Variants in SIPA1L3 observed in about 807,000 individuals in gnomAD.
SIPA1L3 encodes signal-induced proliferation-associated 1-like protein 3.
In SIPA1L3, 59 loss-of-function variants were observed where a neutral mutation model predicts 150.1. That is an observed-to-expected ratio of 0.39 (90% CI 0.32 to 0.49). The LOEUF is 0.49. Ranked by LOEUF, SIPA1L3 falls within the 20% of genes least tolerant of loss-of-function variation. The pLI, the probability that SIPA1L3 is intolerant of heterozygous loss-of-function variation, is 0.86. For missense variants in SIPA1L3, 2,211 were observed against 2,489.5 expected (o/e 0.89, Z 2.38); for synonymous variants, 1,070 against 1,077.6 (o/e 0.99, Z 0.14).
At chr19:38,063,105 C>G (rs973069213) in intron 2 of SIPA1L3, among the ~76,000 whole-genome samples, 12 of 152,362 alleles carry the variant, frequency 7.9e-5, no homozygotes, top group African/African-American at 2.9e-4. Flanking sequence ...GTTATGGTGT[C>G]ATGTGCTCTG....
At chr19:38,202,462 C>T (rs990981026) in intron 20 of SIPA1L3, among the ~76,000 whole-genome samples, 15 of 152,074 alleles carry the variant, frequency 9.9e-5, no homozygotes, top group Admixed American at 6.6e-4. Context: ...GTGGTGCGTG[C>T]CTGTAATCCC....
chr19:38,063,506 T>C (rs922252145), intron 2 of SIPA1L3, among the ~76,000 whole-genome samples: 8 of 152,166 alleles, frequency 5.3e-5, no homozygotes, highest in Non-Finnish European at 1.2e-4. Context: ...ATCAAGATTG[T>C]CGAATATTGA....
At chr19:37,944,143 A>G (rs1355208121) in intron 1 of SIPA1L3, among the ~76,000 whole-genome samples, 2 of 151,988 alleles carry the variant, frequency 1.3e-5, no homozygotes, top group Non-Finnish European at 2.9e-5. Flanking sequence ...CCAGGTGCAG[A>G]GGCATGCGCC....
intron 15 of SIPA1L3, among the ~76,000 whole-genome samples, chr19:38,175,934 G>C (rs60811178): frequency 0.085 from 12,876 of 152,092 alleles, 1,531 homozygotes; most frequent in African/African-American, 0.26. Context: ...CAGGCTGGGC[G>C]CTGTGGCTCA....
Position 38,164,050 on chromosome 19 carries a change from C to T in SIPA1L3, c.3781-429C>T, listed in dbSNP as rs1297495289. Reference sequence around the variant, plus strand: ...AGGTCCCGGATCTGTGTTGAGGACGCGGGCAGCAGGGTTTGCTAGTGGGCT... The same window carrying T: ...AGGTCCCGGATCTGTGTTGAGGACGTGGGCAGCAGGGTTTGCTAGTGGGCT... On this transcript the variant is annotated intron_variant, in intron 14 of 21. Transcript: ENST00000222345. This position sits in a 1 kb window ranked among gnomAD's most constrained non-coding sequence, Gnocchi z 4.1. Among the ~76,000 whole-genome samples, 4 of 152,112 alleles carry T rather than the reference C, an allele frequency of 2.6e-5. No individual in the cohort carries two copies. The highest frequency in any genetic ancestry group is 2.1e-4 in the South Asian group (1 of 4,820).
Position 38,097,660 on chromosome 19 carries a change from G to A in SIPA1L3, c.1666-2302G>A, listed in dbSNP as rs571821561. 1.3e-4 allele frequency among the ~76,000 whole-genome samples: 20 copies of A among 152,234 alleles called. No homozygotes were observed. In the East Asian group the frequency reaches 3.7e-3, roughly 28 times the overall value. On this transcript the variant is annotated intron_variant, in intron 4 of 21. Transcript: ENST00000222345. ...CAACCTCCTCCTCCTGGGTTCAAGC[G>A]ATTCTTCTGCCTCAGCCTCCCAAGT...
intron 13 of SIPA1L3, among the ~76,000 whole-genome samples, chr19:38,153,508 A>G (rs1255199611): frequency 6.6e-6 from 1 of 152,186 alleles, no homozygotes; most frequent in East Asian, 1.9e-4. Context: ...CATCTCTACT[A>G]AAAATACAAA....
chr19:38,003,986 G>A (rs558501622), intron 1 of SIPA1L3, among the ~76,000 whole-genome samples: 26 of 151,662 alleles, frequency 1.7e-4, no homozygotes, highest in African/African-American at 5.8e-4. Flanking sequence ...GAGGGGACTT[G>A]TTGACCTGAA....
intron 1 of SIPA1L3, among the ~76,000 whole-genome samples, chr19:37,959,817 C>CTTT (rs34291572): frequency 8.5e-5 from 11 of 128,806 alleles, no homozygotes; most frequent in Admixed American, 2.3e-4. Context: ...AAAAAACTTT[C>CTTT]TTTTTTTTTT....
chr19:37,984,023 G>A (rs571118981), intron 1 of SIPA1L3, among the ~76,000 whole-genome samples: 89 of 152,046 alleles, frequency 5.9e-4, no homozygotes, highest in African/African-American at 2.0e-3. Flanking sequence ...GGAGTTGCAC[G>A]AAACTATGTG....
chr19:38,125,006 G>GGGAGACCGTGGGGAGAGGGAGAGGGAGAA (rs1397460167), intron 9 of SIPA1L3, among the ~76,000 whole-genome samples: 1 of 151,524 alleles, frequency 6.6e-6, no homozygotes, highest in African/African-American at 2.4e-5. Flanking sequence ...GAGAGGGAGA[G>GGGAGACCGTGGGGAGAGGGAGAGGGAGAA]GGAGACCGTG....
intron 3 of SIPA1L3, among the ~76,000 whole-genome samples, chr19:38,087,061 T>G (rs1293893249): frequency 6.6e-6 from 1 of 152,162 alleles, no homozygotes; most frequent in African/African-American, 2.4e-5. Context: ...TAAACTGACT[T>G]AGCGCAGGGT....
rs757550778 is a variant in SIPA1L3 at position 38,081,725 on chromosome 19, C to CCGGCCA, written c.162_167dup (p.Ala63_Thr64dup). 6.2e-7 allele frequency: 1 copy of CCGGCCA among 1,602,646 alleles called. No individual in the cohort carries two copies. Among genetic ancestry groups the CCGGCCA allele is most frequent in the African/African-American group, 1.3e-5 (1 of 74,870 alleles). ...CATGTCCCAGCCTCTTGGCGAGAGCCCGGCCACCGCCACCGCCACCGCCAC... is the reference window on the plus strand; with the variant it reads ...CATGTCCCAGCCTCTTGGCGAGAGCCCGGCCACGGCCACCGCCACCGCCACCGCCAC... On this transcript the variant is annotated inframe_insertion, in exon 3 of 22. Coordinates refer to ENST00000222345, the MANE Select transcript of SIPA1L3 (RefSeq NM_015073.3).
intron 2 of SIPA1L3, among the ~76,000 whole-genome samples, chr19:38,049,789 G>C (rs745704235): frequency 1.3e-5 from 2 of 152,060 alleles, no homozygotes; most frequent in Non-Finnish European, 2.9e-5. Context: ...GAGAGCACAG[G>C]AGGGTCCCGC....
rs543541723 is a variant in SIPA1L3, at chr19:38,096,253, T to TTTG, written c.1666-3696_1666-3694dup. 1.7e-4 allele frequency among the ~76,000 whole-genome samples: 26 copies of TTTG among 152,154 alleles called. No individual in the cohort carries two copies. In the East Asian group the frequency reaches 4.4e-3, roughly 26 times the overall value. ...GTTAATACTTATCCTCCTTAGTCTT[T>TTTG]TTGTTGTTGTTGTTGAGATGGAGTC... On this transcript the variant is annotated intron_variant, in intron 4 of 21. Transcript: ENST00000222345.
intron 12 of SIPA1L3, 32 bp downstream of exon 12, chr19:38,142,742 G>T: frequency 6.3e-7 from 1 of 1,596,636 alleles, no homozygotes. Context: ...TCATGTTAAG[G>T]GATCTGATGA....
At chr19:37,917,188 C>G (rs2145476524) in intron 1 of SIPA1L3, among the ~76,000 whole-genome samples, 1 of 152,164 alleles carries the variant, frequency 6.6e-6, no homozygotes, top group South Asian at 2.1e-4. Flanking sequence ...TTTACACTTT[C>G]AGCGTATCTC....
chr19:38,100,964 G>A, intron 5 of SIPA1L3, 88 bp from the exon 6 acceptor site: 1 of 1,396,220 alleles, frequency 7.2e-7, no homozygotes, highest in East Asian at 2.6e-5. Flanking sequence ...CAGCTCCCAG[G>A]GCCTCAGGCC....
Position 37,943,470 on chromosome 19 carries a change from C to A in SIPA1L3, c.-379+36112C>A, listed in dbSNP as rs904936590. Among the ~76,000 whole-genome samples the A allele has an allele frequency of 2.6e-5, 4 of 152,172 alleles. No homozygotes were observed. The East Asian group carries it at 7.7e-4, about 29-fold the overall frequency. ...TCTGAAGTCAAGAGGGGATCAAATC[C>A]ACATCAGTGGCCTTTTCACCATTCC... On this transcript the variant is annotated intron_variant, in intron 1 of 21. Coordinates refer to ENST00000222345, the MANE Select transcript of SIPA1L3 (RefSeq NM_015073.3).
Sources: allele counts gnomAD v4.1 joint callset (sites outside exome capture counted in the v4.1 genomes callset), GRCh38; gene constraint gnomAD v4.1.1; non-coding constraint Gnocchi (gnomAD v3.1); transcripts MANE v1.5; gene names NCBI Gene and HGNC (gene_info 2026-07-23, HGNC 2026-07-21).